The following RAPGEF2 variants were observed in gnomAD, a reference collection of about 807,000 sequenced individuals.
RAPGEF2 encodes PDZ domain containing guanine nucleotide exchange factor (GEF) 1.
RAPGEF2 carries 54 observed loss-of-function variants against 186.7 expected under a neutral mutation model. The ratio of observed to expected loss-of-function variants is 0.29; its 90% CI spans 0.23 to 0.36. The LOEUF (loss-of-function observed/expected upper bound fraction) is 0.36. RAPGEF2 is among the 10% of genes least tolerant of loss of function. The pLI is 1.00. For missense variants in RAPGEF2, 1,532 were observed against 2,045.0 expected, an observed-to-expected ratio of 0.75 and a Z score of 4.84; for synonymous variants, 712 against 705.9, an observed-to-expected ratio of 1.01 and a Z score of -0.14.
chr4:159,115,937 CAA>C, intron 1 of RAPGEF2, among the ~76,000 whole-genome samples: 1 of 152,252 alleles, frequency 6.6e-6, no homozygotes, highest in East Asian at 1.9e-4. Flanking sequence ...AAAATTAACT[CAA>C]GATGGATTAA....
intron 7 of RAPGEF2, among the ~76,000 whole-genome samples, chr4:159,256,766 T>C (rs1756216501): frequency 1.3e-5 from 2 of 152,222 alleles, no homozygotes; most frequent in Non-Finnish European, 2.9e-5. Context: ...TATCTCATTG[T>C]GGTTTTGATT....
rs1561229891 is a variant in RAPGEF2 at position 159,295,736 on chromosome 4, TGTGTGTGTGTGTGTGTGTGC to T, written c.544-8604_544-8585del. Among the ~76,000 whole-genome samples, 6 of 132,908 alleles carry T rather than the reference TGTGTGTGTGTGTGTGTGTGC, an allele frequency of 4.5e-5. No homozygotes were observed. In the South Asian group the frequency reaches 6.6e-4, roughly 15 times the overall value. 87.2% of individuals were successfully genotyped at this position (132,908 alleles called of 152,430 possible). Reference sequence around the variant, plus strand: ...GAGTGTGTGAGTGTGTGTGTGTGTGTGTGTGTGTGTGTGTGTGTGCGCGCGCGCGCGCGCGCGCATGCACA... The same window carrying T: ...GAGTGTGTGAGTGTGTGTGTGTGTGTGCGCGCGCGCGCGCGCGCATGCACA... On this transcript the variant is annotated intron_variant, in intron 7 of 29. Coordinates refer to ENST00000691494, the MANE Select transcript of RAPGEF2 (RefSeq NM_001394067.2).
intron 1 of RAPGEF2, among the ~76,000 whole-genome samples, chr4:159,159,252 AAAC>A (rs1022645354): frequency 2.6e-5 from 4 of 152,212 alleles, no homozygotes; most frequent in African/African-American, 9.6e-5. Context: ...TCCATTTTAC[AAAC>A]AACAAGTTGT....
At chr4:159,291,209 T>C (rs1240628077) in intron 7 of RAPGEF2, among the ~76,000 whole-genome samples, 2 of 152,146 alleles carry the variant, frequency 1.3e-5, no homozygotes, top group Admixed American at 6.5e-5. Flanking sequence ...TTTTTAGAGG[T>C]AGGATCTGAG....
chr4:159,169,816 A>G (rs937443366), intron 1 of RAPGEF2, among the ~76,000 whole-genome samples: 1 of 152,084 alleles, frequency 6.6e-6, no homozygotes, highest in Non-Finnish European at 1.5e-5. Context: ...TCATCCATCC[A>G]TTGAGGGACG....
intron 1 of RAPGEF2, among the ~76,000 whole-genome samples, chr4:159,139,618 T>G (rs958852315): frequency 6.6e-6 from 1 of 152,188 alleles, no homozygotes; most frequent in Non-Finnish European, 1.5e-5. Context: ...CCTTAAAGGT[T>G]GTTTTGGTAA....
At chr4:159,186,055 T>G (rs1022154147) in intron 1 of RAPGEF2, among the ~76,000 whole-genome samples, 5 of 152,022 alleles carry the variant, frequency 3.3e-5, no homozygotes, top group African/African-American at 1.2e-4. Flanking sequence ...TTCTGAACTT[T>G]CATAAATAAC....
In RAPGEF2 at chr4:159,235,891, T is replaced by C. The variant is rs531836286; in HGVS notation, c.282-2918T>C. Among the ~76,000 whole-genome samples, 564 of 152,352 alleles carry C rather than the reference T, an allele frequency of 3.7e-3. 4 individuals carry two copies. The highest frequency in any genetic ancestry group is 0.013 in the African/African-American group (539 of 41,576). On this transcript the variant is annotated intron_variant, in intron 4 of 29. Transcript: ENST00000691494. The stretch of plus-strand genomic sequence containing the variant: ...GCTTTGTCTGTTTCTTCCAACCTTA[T>C]AGCTTCTGGTTTGTGAGCTAAGAGC...
Position 159,193,136 on chromosome 4 carries a change from G to A in RAPGEF2, c.141-64G>A, listed in dbSNP as rs80028547. ...TCTAGACTGTATGTGTCATTTAAGG[G>A]TTTAAAATACCAGTCTGTTTTTTAG... On this transcript the variant is annotated intron_variant, in intron 2 of 29. Coordinates refer to ENST00000691494, the MANE Select transcript of RAPGEF2 (RefSeq NM_001394067.2). 6,878 of 969,892 alleles carry A rather than the reference G, an allele frequency of 7.1e-3. 332 individuals are homozygous for A. The African/African-American group carries it at 0.1, about 15-fold the overall frequency. The allele number at this position is 969,892 out of a possible 1,614,324, so 60.1% of individuals were successfully genotyped here.
At chr4:159,149,288 T>G (rs1388427115) in intron 1 of RAPGEF2, among the ~76,000 whole-genome samples, 1 of 152,154 alleles carries the variant, frequency 6.6e-6, no homozygotes, top group Non-Finnish European at 1.5e-5. Context: ...TGAGAGAGAG[T>G]CTTGCCCTCT....
chr4:159,311,041 A>G (rs1313623167), intron 8 of RAPGEF2, among the ~76,000 whole-genome samples: 2 of 152,060 alleles, frequency 1.3e-5, no homozygotes, highest in Non-Finnish European at 2.9e-5. Flanking sequence ...AGTACTTAGT[A>G]TTTCTTGGTT....
In RAPGEF2 at chr4:159,338,483, C is replaced by G; in HGVS notation, c.2293+15C>G. The G allele has an allele frequency of 6.3e-7, 1 of 1,594,544 alleles. No individual in the cohort carries two copies. The highest frequency in any genetic ancestry group is 8.6e-7 in the Non-Finnish European group (1 of 1,165,442). ...TGCTACTCCTGGTGAGTATCACCAA[C>G]ACTTCTTTTGTTTTCTTATAGTTAT... On this transcript the variant is annotated intron_variant, in intron 18 of 29. Transcript: ENST00000691494.
chr4:159,234,842 C>T (rs941153766), intron 4 of RAPGEF2, among the ~76,000 whole-genome samples: 3 of 152,160 alleles, frequency 2.0e-5, no homozygotes, highest in Admixed American at 1.3e-4. Context: ...TCACTGTGAC[C>T]TCCGTCTCCT....
chr4:159,140,513 G>A (rs901402381), intron 1 of RAPGEF2, among the ~76,000 whole-genome samples: 9 of 152,180 alleles, frequency 5.9e-5, no homozygotes, highest in Admixed American at 5.2e-4. Flanking sequence ...TAGGTTGCAT[G>A]TGACAGCTTT....
intron 1 of RAPGEF2, among the ~76,000 whole-genome samples, chr4:159,123,539 C>CTTTT (rs1194385402): frequency 7.5e-6 from 1 of 133,700 alleles, no homozygotes; most frequent in African/African-American, 2.7e-5. Flanking sequence ...GGATTTTTAT[C>CTTTT]TTTTTTTTTT....
chr4:159,252,013 CACATCTGA>C (rs1426106511), intron 7 of RAPGEF2, among the ~76,000 whole-genome samples: 4 of 152,154 alleles, frequency 2.6e-5, no homozygotes, highest in South Asian at 2.1e-4. Flanking sequence ...GGAACAAAGA[CACATCTGA>C]ACATCTGAAG....
chr4:159,301,835 G>A (rs1762708141), intron 7 of RAPGEF2, among the ~76,000 whole-genome samples: 1 of 152,036 alleles, frequency 6.6e-6, no homozygotes, highest in African/African-American at 2.4e-5. Context: ...CTCTAGCCTG[G>A]GCAGTTAAGG....
At chr4:159,284,473 G>A (rs927649353) in intron 7 of RAPGEF2, among the ~76,000 whole-genome samples, 2 of 137,364 alleles carry the variant, frequency 1.5e-5, no homozygotes, top group African/African-American at 2.8e-5. Context: ...ACCTCCCACC[G>A]CCATGGAGAC....
At chr4:159,271,398 A>G (rs958640812) in intron 7 of RAPGEF2, among the ~76,000 whole-genome samples, 1 of 152,214 alleles carries the variant, frequency 6.6e-6, no homozygotes, top group Non-Finnish European at 1.5e-5. Context: ...GGTAGTACAC[A>G]TAAGAAAGTG....
Sources: gnomAD v4.1 joint callset for allele counts (sites outside exome capture counted in the v4.1 genomes callset) on GRCh38, gnomAD v4.1.1 for gene constraint, MANE v1.5 for transcripts, NCBI Gene and HGNC (gene_info 2026-07-23, HGNC 2026-07-21) for gene names.